The following ZNF665 variants were observed in gnomAD, a reference collection of about 807,000 sequenced individuals.
ZNF665 encodes the protein zinc finger protein 665.
A neutral mutation model predicts 7.9 loss-of-function variants in ZNF665; 6 were observed. The ratio of observed to expected loss-of-function variants is 0.76; its 90% CI spans 0.42 to 1.50. ZNF665 has a LOEUF of 1.50. Among genes scored for constraint, ZNF665 ranks in the 40% most tolerant of loss-of-function variants. ZNF665 has a pLI of 0.01. For missense variants in ZNF665, 819 were observed against 806.7 expected, an observed-to-expected ratio of 1.02 and a Z score of -0.18; for synonymous variants, 242 against 274.5, an observed-to-expected ratio of 0.88 and a Z score of 1.17.
At chr19:53,170,706 T>C (rs1047706061) in intron 3 of ZNF665, among the ~76,000 whole-genome samples, 1 of 152,228 alleles carries the variant, frequency 6.6e-6, no homozygotes, top group Non-Finnish European at 1.5e-5. Context: ...AACTCGACTA[T>C]TGTGAACAAT....
At chr19:53,191,210 G>A (rs981799245) in intron 1 of ZNF665, among the ~76,000 whole-genome samples, 13 of 152,312 alleles carry the variant, frequency 8.5e-5, no homozygotes, top group South Asian at 2.1e-4. Flanking sequence ...CAAGAACTGC[G>A]TGTTGGTGAG....
At chr19:53,184,939 G>A (rs2090766225) in intron 1 of ZNF665, among the ~76,000 whole-genome samples, 1 of 152,064 alleles carries the variant, frequency 6.6e-6, no homozygotes, top group Admixed American at 6.5e-5. Flanking sequence ...AGAGGAGAAA[G>A]AGAGAAACAG....
chr19:53,173,448 C>T (rs1015691806), intron 3 of ZNF665, among the ~76,000 whole-genome samples: 1 of 141,622 alleles, frequency 7.1e-6, no homozygotes, highest in African/African-American at 2.7e-5. Context: ...AATCTCAGCT[C>T]GCTGCAACCT....
intron 1 of ZNF665, among the ~76,000 whole-genome samples, chr19:53,185,489 A>T (rs199918973): frequency 6.6e-5 from 10 of 152,078 alleles, no homozygotes; most frequent in Non-Finnish European, 1.2e-4. Context: ...TGCTACAAAC[A>T]AATGATTAAT....
At chr19:53,184,511 G>A (rs945960745) in intron 1 of ZNF665, among the ~76,000 whole-genome samples, 1 of 152,072 alleles carries the variant, frequency 6.6e-6, no homozygotes, top group Admixed American at 6.6e-5. Flanking sequence ...GCAGAGTGTT[G>A]AGGAGACAAC....
chr19:53,175,757 A>C (rs1173564878), intron 2 of ZNF665, among the ~76,000 whole-genome samples, 186 bp from the exon 3 acceptor site: 3 of 152,164 alleles, frequency 2.0e-5, no homozygotes, highest in Admixed American at 1.3e-4. Context: ...GCTCACTTGA[A>C]ATCTGTGAGG....
chr19:53,164,314 T>C lies in ZNF665; in HGVS notation c.*139A>G. 1 of 660,580 alleles carries C rather than the reference T, an allele frequency of 1.5e-6. No individual in the cohort carries two copies. Among genetic ancestry groups the C allele is most frequent in the Non-Finnish European group, 2.5e-6 (1 of 407,956 alleles). The allele number at this position is 660,580 out of a possible 1,614,324, so 40.9% of individuals were successfully genotyped here. ...CACCACACCCAGCTAATTTTTGTAT[T>C]TTTAGTAGAGACAGCGTTTCACCGT... On this transcript the variant is annotated 3_prime_UTR_variant, in exon 4 of 4. Coordinates refer to ENST00000396424, the MANE Select transcript of ZNF665 (RefSeq NM_024733.5).
chr19:53,185,763 C>T (rs2090773449), intron 1 of ZNF665, among the ~76,000 whole-genome samples: 2 of 151,482 alleles, frequency 1.3e-5, no homozygotes, highest in South Asian at 4.2e-4. Context: ...TGAAAACAAA[C>T]AGTTTAAAAA....
rs1316372236 is a variant in ZNF665 at position 53,165,208 on chromosome 19, T to G, written c.1282A>C (p.Lys428Gln). 1.9e-6 allele frequency: 3 copies of G among 1,614,168 alleles called. No individual in the cohort carries two copies. In the East Asian group the frequency reaches 6.7e-5, roughly 36 times the overall value. The change falls in exon 4 of 4, where the codon AAA becomes CAA. Residue 428 changes from lysine (K) to glutamine (Q), a missense_variant. Transcript: ENST00000396424. ...ANHRRIHTGEKPYRCDECGKA... is the reference protein window; with the variant it reads ...ANHRRIHTGEQPYRCDECGKA... ...CCACACTCATCACACCTGTAAGGTTTCTCTCCAGTATGAATTCTTCGATGA... is the reference window on the plus strand; with the variant it reads ...CCACACTCATCACACCTGTAAGGTTGCTCTCCAGTATGAATTCTTCGATGA...
chr19:53,165,599 C>A lies in ZNF665; in HGVS notation c.891G>T (p.Lys297Asn). The A allele has an allele frequency of 6.2e-7, 1 of 1,614,104 alleles. No homozygotes were observed. Residue 297 changes from lysine (K) to asparagine (N), a missense_variant, in exon 4 of 4, where the codon AAG becomes AAT. Transcript: ENST00000396424. ...CAAGGTGTGAATTTTGAGTGAAGCACTTGCCACATTCCTTACATTTGTAAG... is the reference window on the plus strand; with the variant it reads ...CAAGGTGTGAATTTTGAGTGAAGCAATTGCCACATTCCTTACATTTGTAAG... Reference protein sequence around the residue: ...EKPYKCKECGKCFTQNSHLAS... With the variant: ...EKPYKCKECGNCFTQNSHLAS...
At chr19:53,174,819 A>C (rs1365101313) in intron 3 of ZNF665, among the ~76,000 whole-genome samples, 3 of 151,964 alleles carry the variant, frequency 2.0e-5, no homozygotes, top group Non-Finnish European at 4.4e-5. Context: ...AAAGCCTGTA[A>C]TCCCAGCTAC....
In ZNF665 at chr19:53,165,230, A is replaced by G. The variant is rs369912339; in HGVS notation, c.1260T>C (p.His420=). Reference sequence around the variant, plus strand: ...GTTTCTCTCCAGTATGAATTCTTCGATGATTTGCTAAGTGTGAATACTGAG... The same window carrying G: ...GTTTCTCTCCAGTATGAATTCTTCGGTGATTTGCTAAGTGTGAATACTGAG... ...VFTQYSHLAN[H]RRIHTGEKPY... The change falls in exon 4 of 4, where the codon CAT becomes CAC. Residue 420 remains histidine (H), a synonymous_variant. Coordinates refer to ENST00000396424, the MANE Select transcript of ZNF665 (RefSeq NM_024733.5). 6 of 1,613,894 alleles carry G rather than the reference A, an allele frequency of 3.7e-6. No individual in the cohort carries two copies. The African/African-American group carries it at 4.0e-5, about 11-fold the overall frequency.
rs567827411 is a variant in ZNF665 at position 53,185,071 on chromosome 19, C to T, written c.-45-2128G>A. Among the ~76,000 whole-genome samples, 338 of 152,148 alleles carry T rather than the reference C, an allele frequency of 2.2e-3. 4 individuals carry two copies. Among genetic ancestry groups the T allele is most frequent in the African/African-American group, 7.5e-3 (310 of 41,518 alleles). On this transcript the variant is annotated intron_variant, in intron 1 of 3. Transcript: ENST00000396424. ...GAAGGCGGACTAGGAGCGTGACCAC[C>T]GAAGCACAGCATCACAGGGAGACGG...
intron 1 of ZNF665, among the ~76,000 whole-genome samples, chr19:53,189,865 G>A (rs191193191): frequency 0.011 from 1,604 of 152,080 alleles, 44 homozygotes; most frequent in African/African-American, 0.036. Context: ...GCCTGGCAAC[G>A]GGCATCTTCC....
Position 53,165,597 on chromosome 19 carries a change from C to A in ZNF665, c.893G>T (p.Cys298Phe). Residue 298 changes from cysteine (C) to phenylalanine (F), a missense_variant, in exon 4 of 4, where the codon TGC (cysteine) becomes TTC (phenylalanine). Transcript: ENST00000396424. ...TGCAAGGTGTGAATTTTGAGTGAAG[C>A]ACTTGCCACATTCCTTACATTTGTA... ...KPYKCKECGK[C>F]FTQNSHLASH... 5 of 1,613,062 alleles carry A rather than the reference C, an allele frequency of 3.1e-6. No homozygotes were observed. The highest frequency in any genetic ancestry group is 4.2e-6 in the Non-Finnish European group (5 of 1,179,766).
intron 1 of ZNF665, among the ~76,000 whole-genome samples, chr19:53,191,422 G>A (rs1034243280): frequency 6.6e-6 from 1 of 152,204 alleles, no homozygotes; most frequent in African/African-American, 2.4e-5. Context: ...TCTTAGAACA[G>A]AGATTGCAAA....
chr19:53,184,711 G>T (rs1350175115), intron 1 of ZNF665, among the ~76,000 whole-genome samples: 1 of 152,142 alleles, frequency 6.6e-6, no homozygotes, highest in Non-Finnish European at 1.5e-5. Context: ...AAGACAAAGA[G>T]ATAAAAGAAA....
At chr19:53,174,309 T>G (rs563692976) in intron 3 of ZNF665, among the ~76,000 whole-genome samples, 12 of 152,286 alleles carry the variant, frequency 7.9e-5, no homozygotes, top group African/African-American at 2.6e-4. Context: ...AGACTTTGCA[T>G]GTGTTGCTCT....
At chr19:53,184,243 C>G (rs888107927) in intron 1 of ZNF665, among the ~76,000 whole-genome samples, 1 of 151,724 alleles carries the variant, frequency 6.6e-6, no homozygotes, top group African/African-American at 2.4e-5. Flanking sequence ...GAGCGAGACC[C>G]TGTCTCAAAA....
Sources: allele counts gnomAD v4.1 joint callset (sites outside exome capture counted in the v4.1 genomes callset), GRCh38; gene constraint gnomAD v4.1.1; transcripts MANE v1.5; gene names NCBI Gene and HGNC (gene_info 2026-07-23, HGNC 2026-07-21).